TLK1: variants seen among roughly 807,000 people sequenced by gnomAD.
The protein encoded by TLK1 is serine/threonine-protein kinase tousled-like 1.
Under a neutral mutation model 105.3 loss-of-function variants are expected in TLK1, and 24 were observed. That is an observed-to-expected ratio of 0.23 (90% CI 0.17 to 0.32). The LOEUF (loss-of-function observed/expected upper bound fraction) is 0.32, where lower values mean the gene tolerates loss of function less well. TLK1 is among the 10% of genes least tolerant of loss of function. The pLI is 1.00. For missense variants in TLK1, 558 were observed against 910.5 expected (o/e 0.61, Z 4.98); for synonymous variants, 321 against 310.4 (o/e 1.03, Z -0.36).
chr2:171,211,000 G>A (rs2105325331), intron 1 of TLK1, among the ~76,000 whole-genome samples: 1 of 152,318 alleles, frequency 6.6e-6, no homozygotes, highest in African/African-American at 2.4e-5. Context: ...CAGCCCAGAA[G>A]GCACTTCTTC....
intron 1 of TLK1, among the ~76,000 whole-genome samples, chr2:171,124,976 C>T (rs1690809486): frequency 6.6e-6 from 1 of 152,176 alleles, no homozygotes; most frequent in South Asian, 2.1e-4. Context: ...TTTTAATTGA[C>T]TAGTGATGTT....
At chr2:171,216,521 T>C (rs1371958936) in intron 1 of TLK1, among the ~76,000 whole-genome samples, 1 of 152,068 alleles carries the variant, frequency 6.6e-6, no homozygotes, top group Admixed American at 6.6e-5. Flanking sequence ...ACTTACGAGA[T>C]TAATGAAATC....
chr2:171,016,589 G>T (rs188801975), intron 12 of TLK1, among the ~76,000 whole-genome samples: 1 of 152,108 alleles, frequency 6.6e-6, no homozygotes, highest in Admixed American at 6.5e-5. Context: ...CTTCTTTTTA[G>T]TAATTTATCT....
At chr2:171,087,060 A>C (rs1306770955) in intron 2 of TLK1, among the ~76,000 whole-genome samples, 1 of 152,186 alleles carries the variant, frequency 6.6e-6, no homozygotes, top group Non-Finnish European at 1.5e-5. Flanking sequence ...CTCCTAAAAC[A>C]AAGAAAAACA....
At chr2:171,218,191 T>G (rs1483494566) in intron 1 of TLK1, among the ~76,000 whole-genome samples, 1 of 152,170 alleles carries the variant, frequency 6.6e-6, no homozygotes, top group Non-Finnish European at 1.5e-5. Context: ...AGGCAGAGGT[T>G]GCAGTGAGCT....
At chr2:171,040,804 T>A (rs1414473825) in intron 11 of TLK1, among the ~76,000 whole-genome samples, 1 of 152,058 alleles carries the variant, frequency 6.6e-6, no homozygotes, top group Non-Finnish European at 1.5e-5. Context: ...CTCAAACTCC[T>A]AGGCTCAAGT....
intron 13 of TLK1, 150 bp from the exon 14 acceptor site, chr2:171,011,604 A>G: frequency 4.3e-6 from 3 of 694,344 alleles, no homozygotes; most frequent in Non-Finnish European, 7.0e-6. Flanking sequence ...ATTTCTTTTC[A>G]TTCTCTACCA....
chr2:171,083,464 G>C (rs921232663), intron 2 of TLK1, among the ~76,000 whole-genome samples: 1 of 152,174 alleles, frequency 6.6e-6, no homozygotes, highest in African/African-American at 2.4e-5. Context: ...TCTGTAGGAT[G>C]ATGTCTGCTT....
intron 3 of TLK1, among the ~76,000 whole-genome samples, chr2:171,062,603 T>C (rs2105448267): frequency 6.6e-6 from 1 of 152,282 alleles, no homozygotes; most frequent in East Asian, 1.9e-4. Context: ...AGCATACAGT[T>C]ATTACTTGAT....
chr2:171,183,969 T>C (rs964097251), intron 1 of TLK1, among the ~76,000 whole-genome samples: 6 of 152,124 alleles, frequency 3.9e-5, no homozygotes, highest in African/African-American at 1.4e-4. Flanking sequence ...ATTTTCCAGA[T>C]ATGGTTAGGA....
intron 1 of TLK1, among the ~76,000 whole-genome samples, chr2:171,147,063 G>A (rs1448217966): frequency 6.6e-6 from 1 of 152,104 alleles, no homozygotes; most frequent in Non-Finnish European, 1.5e-5. Flanking sequence ...CTGGCAATTC[G>A]GGTTGTTTTA....
intron 1 of TLK1, among the ~76,000 whole-genome samples, chr2:171,123,853 CTGTA>C (rs1292246545): frequency 3.3e-5 from 5 of 152,150 alleles, no homozygotes; most frequent in African/African-American, 1.2e-4. Flanking sequence ...TGTAATGAGA[CTGTA>C]TGTATTTGTC....
chr2:171,211,176 C>A (rs1575660458), intron 1 of TLK1, among the ~76,000 whole-genome samples: 1 of 152,198 alleles, frequency 6.6e-6, no homozygotes, highest in Non-Finnish European at 1.5e-5. Context: ...TCGAATCCTA[C>A]AAGAATGTTA....
chr2:171,190,748 C>A (rs1272644758), intron 1 of TLK1, among the ~76,000 whole-genome samples: 1 of 152,176 alleles, frequency 6.6e-6, no homozygotes, highest in African/African-American at 2.4e-5. Flanking sequence ...AGGAACATGT[C>A]AGGCAGTTTA....
At chr2:171,025,020 C>A (rs1048574060) in intron 12 of TLK1, among the ~76,000 whole-genome samples, 1 of 152,062 alleles carries the variant, frequency 6.6e-6, no homozygotes, top group African/African-American at 2.4e-5. Context: ...ACTAATAAGT[C>A]CATAAGTAAG....
intron 1 of TLK1, among the ~76,000 whole-genome samples, chr2:171,216,349 G>A (rs939952185): frequency 2.0e-5 from 3 of 152,088 alleles, no homozygotes; most frequent in Non-Finnish European, 4.4e-5. Flanking sequence ...GGTGGTGGGC[G>A]CCTGTAGTCC....
intron 13 of TLK1, among the ~76,000 whole-genome samples, chr2:171,013,315 TCA>T (rs1202925801): frequency 7.8e-6 from 1 of 128,112 alleles, no homozygotes; most frequent in Non-Finnish European, 1.7e-5. Context: ...ACCTGGCCCC[TCA>T]CTTTTTTTTT....
At chr2:171,145,392 C>G (rs573872448) in intron 1 of TLK1, among the ~76,000 whole-genome samples, 139 of 152,142 alleles carry the variant, frequency 9.1e-4, no homozygotes, top group African/African-American at 3.2e-3. Flanking sequence ...GAGTTCGAGG[C>G]CAGCCTGGTC....
At chr2:171,105,788 GA>G (rs1480962929) in intron 2 of TLK1, among the ~76,000 whole-genome samples, 2 of 152,002 alleles carry the variant, frequency 1.3e-5, no homozygotes, top group Non-Finnish European at 1.5e-5. Flanking sequence ...AGCCATTATG[GA>G]AAAAAATATG....
Sources: gnomAD v4.1 joint callset for allele counts (sites outside exome capture counted in the v4.1 genomes callset) on GRCh38, gnomAD v4.1.1 for gene constraint, MANE v1.5 for transcripts, NCBI Gene and HGNC (gene_info 2026-07-23, HGNC 2026-07-21) for gene names.